The following EXOC4 variants were observed in gnomAD, a reference collection of about 807,000 sequenced individuals.
EXOC4 encodes the protein SEC8-like 1.
Under a neutral mutation model 107.2 loss-of-function variants are expected in EXOC4, and 71 were observed. That is an observed-to-expected ratio of 0.66 (90% CI 0.55 to 0.81). EXOC4 has a LOEUF of 0.81. Ranked by LOEUF, EXOC4 falls within the 30% of genes least tolerant of loss-of-function variation. The pLI is 0.00. For missense variants in EXOC4, 1,108 were observed against 1,189.6 expected (o/e 0.93, Z 1.01); for synonymous variants, 456 against 441.2 (o/e 1.03, Z -0.42).
intron 9 of EXOC4, among the ~76,000 whole-genome samples, chr7:133,521,527 A>C (rs1173796863): frequency 6.6e-6 from 1 of 152,162 alleles, no homozygotes; most frequent in East Asian, 1.9e-4. Context: ...AAAATGGGAG[A>C]AATGAAGGAT....
Position 133,850,639 on chromosome 7 carries a change from C to CCA in EXOC4, c.1734+33096_1734+33097insAC, listed in dbSNP as rs559622403. On this transcript the variant is annotated intron_variant, in intron 11 of 17. Transcript: ENST00000253861. Reference sequence around the variant, plus strand: ...GCTTAAAGGTTATCTAGGTTACCCCCCCACACACACACACACCCATGTCAA... The same window carrying CCA: ...GCTTAAAGGTTATCTAGGTTACCCCCCACCACACACACACACACCCATGTCAA... Among the ~76,000 whole-genome samples, 50 of 150,970 alleles carry CCA rather than the reference C, an allele frequency of 3.3e-4. 1 individual carries two copies. In the South Asian group the frequency reaches 6.1e-3, roughly 18 times the overall value.
the EXOC4 span, among the ~76,000 whole-genome samples, chr7:134,073,723 C>T: frequency 2.6e-5 from 4 of 151,984 alleles, no homozygotes; most frequent in East Asian, 5.8e-4. Context: ...TAACCATTCT[C>T]AGCAGAAGTC....
At chr7:133,906,556 G>A (rs532781141) in intron 12 of EXOC4, among the ~76,000 whole-genome samples, 19 of 152,314 alleles carry the variant, frequency 1.2e-4, no homozygotes, top group East Asian at 1.2e-3. Context: ...CCAGGCATTC[G>A]AGCCGGCAAC....
chr7:133,479,279 A>G (rs1378763556), intron 8 of EXOC4: 1 of 151,804 alleles, frequency 6.6e-6, no homozygotes, highest in Admixed American at 6.6e-5. Context: ...CTTAAGACTG[A>G]TTTGTTTTTG....
At chr7:133,379,370 AT>A (rs1199690723) in intron 7 of EXOC4, among the ~76,000 whole-genome samples, 9 of 152,008 alleles carry the variant, frequency 5.9e-5, no homozygotes, top group African/African-American at 1.9e-4. Context: ...AAAAATATGT[AT>A]CTCTCCCCTT....
intron 9 of EXOC4, among the ~76,000 whole-genome samples, chr7:133,580,479 A>G (rs1200941510): frequency 2.0e-5 from 3 of 152,164 alleles, no homozygotes; most frequent in African/African-American, 2.4e-5. Flanking sequence ...ATAGGTTCCA[A>G]TTTCTCTACA....
intron 10 of EXOC4, among the ~76,000 whole-genome samples, chr7:133,667,775 C>T (rs1183500870): frequency 2.0e-5 from 3 of 152,180 alleles, no homozygotes; most frequent in African/African-American, 7.2e-5. Context: ...CAGGCTCACT[C>T]ACTCAGTTTT....
chr7:133,995,306 G>A (rs991235943), intron 14 of EXOC4, among the ~76,000 whole-genome samples: 1 of 152,128 alleles, frequency 6.6e-6, no homozygotes, highest in African/African-American at 2.4e-5. Flanking sequence ...ATGGAATTTG[G>A]TCTATTAGTA....
chr7:133,651,885 A>G (rs559152827), intron 10 of EXOC4, among the ~76,000 whole-genome samples: 1 of 152,224 alleles, frequency 6.6e-6, no homozygotes, highest in South Asian at 2.1e-4. Flanking sequence ...GGGTTTTACC[A>G]TGTTGGCCAG....
At chr7:134,050,414 A>T (rs937420519) in intron 17 of EXOC4, among the ~76,000 whole-genome samples, 1 of 152,218 alleles carries the variant, frequency 6.6e-6, no homozygotes, top group Non-Finnish European at 1.5e-5. Flanking sequence ...AACTTTCCCA[A>T]GTTCACAAAA....
At chr7:133,917,114 A>C (rs1483513863) in intron 12 of EXOC4, among the ~76,000 whole-genome samples, 1 of 152,214 alleles carries the variant, frequency 6.6e-6, no homozygotes, top group Admixed American at 6.5e-5. Context: ...TCCATGATTC[A>C]AGCAATACCC....
At chr7:133,930,046 T>C (rs1184279884) in intron 13 of EXOC4, among the ~76,000 whole-genome samples, 1 of 152,236 alleles carries the variant, frequency 6.6e-6, no homozygotes, top group Admixed American at 6.5e-5. Flanking sequence ...TTCAATGCTA[T>C]ATAAAGTATG....
chr7:133,983,752 A>G (rs2116925902), intron 14 of EXOC4, among the ~76,000 whole-genome samples: 1 of 152,264 alleles, frequency 6.6e-6, no homozygotes, highest in East Asian at 1.9e-4. Context: ...ATTGGTTAAC[A>G]CTTTTAGATG....
chr7:133,633,673 G>A (rs1389083733), intron 10 of EXOC4, among the ~76,000 whole-genome samples: 1 of 145,304 alleles, frequency 6.9e-6, no homozygotes, highest in African/African-American at 2.6e-5. Context: ...AGCTGAGATC[G>A]CGCCACTGCA....
intron 11 of EXOC4, among the ~76,000 whole-genome samples, chr7:133,843,596 TC>T (rs1262786551): frequency 6.6e-6 from 1 of 152,186 alleles, no homozygotes; most frequent in Non-Finnish European, 1.5e-5. Flanking sequence ...AGGAATAGAA[TC>T]ATAACATCTG....
rs113874966 is a variant in EXOC4 at position 133,462,414 on chromosome 7, C to T, written c.1183-12914C>T. On this transcript the variant is annotated intron_variant, in intron 7 of 17. Coordinates refer to ENST00000253861, the MANE Select transcript of EXOC4 (RefSeq NM_021807.4). The stretch of plus-strand genomic sequence containing the variant: ...GAAGATAGAGGCACATAGTTGTCAT[C>T]GTAAGACCAAGGGGAAGTGACATAA... Among the ~76,000 whole-genome samples the T allele has an allele frequency of 3.6e-3, 549 of 152,200 alleles. 4 individuals are homozygous for T. The highest frequency in any genetic ancestry group is 0.012 in the African/African-American group (512 of 41,522).
intron 7 of EXOC4, among the ~76,000 whole-genome samples, chr7:133,407,303 T>C (rs1797243879): frequency 6.6e-6 from 1 of 152,198 alleles, no homozygotes; most frequent in South Asian, 2.1e-4. Context: ...ATCCTCTTAC[T>C]TTGCTTCTTG....
chr7:133,775,429 G>T (rs946108639), intron 10 of EXOC4, among the ~76,000 whole-genome samples: 1 of 152,154 alleles, frequency 6.6e-6, no homozygotes, highest in Non-Finnish European at 1.5e-5. Context: ...CTGCGAACAC[G>T]TGACCTTCTT....
intron 7 of EXOC4, among the ~76,000 whole-genome samples, chr7:133,436,053 T>TC (rs1797964483): frequency 6.6e-6 from 1 of 151,370 alleles, no homozygotes; most frequent in South Asian, 2.1e-4. Flanking sequence ...TCAGTGTTTT[T>TC]TTTTTTTTGT....
Sources: gnomAD v4.1 joint callset for allele counts (sites outside exome capture counted in the v4.1 genomes callset) on GRCh38, gnomAD v4.1.1 for gene constraint, MANE v1.5 for transcripts, NCBI Gene and HGNC (gene_info 2026-07-23, HGNC 2026-07-21) for gene names.